The following BCAP31 variants were observed in gnomAD, a reference collection of about 807,000 sequenced individuals.
The protein encoded by BCAP31 is B-cell receptor-associated protein 31.
For synonymous variants in BCAP31, 75 were observed against 80.9 expected (o/e 0.93, Z 0.39); for missense variants, 124 against 193.0 (o/e 0.64, Z 2.12).
chrX:153,702,047 T>C lies in BCAP31; in HGVS notation c.662A>G (p.Lys221Arg). 2 of 1,211,944 alleles carry C rather than the reference T, an allele frequency of 1.7e-6. No individual in the cohort carries two copies. The highest frequency in any genetic ancestry group is 2.2e-6 in the Non-Finnish European group (2 of 895,362). Residue 221 changes from lysine to arginine, a missense_variant, in exon 7 of 8, where the codon AAG becomes AGG. Physicochemically the swap from Lys to Arg is conservative, Grantham distance 26. Transcript: ENST00000345046. ...CTCCTCCAGCAAGCGGTCGTACTCC[T>C]TGGTGAGGCCCTCAGACTGCTTCCG... ...AMRKQSEGLT[K>R]EYDRLLEEHA...
rs782040836 is a variant in BCAP31, at chrX:153,700,912, T to A, written c.*25A>T. ...AGGCACGTGCCAGGTGGAAGCCAGC[T>A]GCAGGCAGGGGAGGAAGGAGGCCCT... On this transcript the variant is annotated 3_prime_UTR_variant, in exon 8 of 8. Coordinates refer to ENST00000345046, the MANE Select transcript of BCAP31 (RefSeq NM_001256447.2). The A allele has an allele frequency of 2.8e-5, 33 of 1,198,093 alleles. No homozygotes were observed. The East Asian group carries it at 9.7e-4, about 35-fold the overall frequency.
chrX:153,718,271 T>C (rs2148382106), intron 3 of BCAP31, among the ~76,000 whole-genome samples: 1 of 94,046 alleles, frequency 1.1e-5, no homozygotes, highest in South Asian at 5.0e-4. Context: ...TGAGCCAAGA[T>C]GGCGCCACTG....
chrX:153,721,230 G>A, intron 2 of BCAP31: 1 of 284,486 alleles, frequency 3.5e-6, no homozygotes, highest in South Asian at 8.8e-5. Flanking sequence ...GAGGTCAGGA[G>A]TGCAAGACCA....
chrX:153,723,720 G>A, intron 1 of BCAP31: 2 of 1,125,681 alleles, frequency 1.8e-6, no homozygotes, highest in Non-Finnish European at 2.4e-6. Context: ...GCGCTCTGCG[G>A]GCCCAAATCC....
At chrX:153,710,936 C>T (rs1241855881) in intron 4 of BCAP31, among the ~76,000 whole-genome samples, 1 of 111,712 alleles carries the variant, frequency 9.0e-6, no homozygotes, top group Admixed American at 9.5e-5. Context: ...AGCACATTCC[C>T]TTTGCCCTGG....
chrX:153,701,871 G>C, intron 7 of BCAP31, 136 bp downstream of exon 7: 1 of 546,352 alleles, frequency 1.8e-6, no homozygotes, highest in South Asian at 3.2e-5. Flanking sequence ...CACTCAGTAG[G>C]GCAGAGGTGG....
At chrX:153,719,133 C>T in intron 3 of BCAP31, among the ~76,000 whole-genome samples, 1 of 111,747 alleles carries the variant, frequency 8.9e-6, no homozygotes, top group African/African-American at 3.3e-5. Context: ...TACTGGATTC[C>T]GCAAAGGATC....
chrX:153,703,141 TTCC>T, intron 5 of BCAP31, 83 bp from the exon 6 acceptor site: 2 of 1,140,718 alleles, frequency 1.8e-6, no homozygotes, highest in Non-Finnish European at 2.4e-6. Flanking sequence ...CGAGCTGCGG[TTCC>T]TCAAGCTGCC....
In BCAP31 at chrX:153,703,064, A is replaced by G; in HGVS notation, c.478-6T>C. On this transcript the variant is annotated splice_polypyrimidine_tract_variant and splice_region_variant and intron_variant, in intron 5 of 7. Transcript: ENST00000345046. ...CCTCCGTCAACAGCAGCTCCCTGGGAAAAGTGCCAAAGGCCAGGGTTACTC... is the reference window on the plus strand; with the variant it reads ...CCTCCGTCAACAGCAGCTCCCTGGGGAAAGTGCCAAAGGCCAGGGTTACTC... 1.7e-6 allele frequency: 2 copies of G among 1,208,690 alleles called. No homozygotes were observed. The highest frequency in any genetic ancestry group is 2.2e-6 in the Non-Finnish European group (2 of 895,123).
chrX:153,709,443 A>C (rs1557048757), intron 4 of BCAP31, among the ~76,000 whole-genome samples: 1 of 112,289 alleles, frequency 8.9e-6, no homozygotes, highest in East Asian at 2.8e-4. Context: ...ATTTAAGCTG[A>C]GTAAGGCAGA....
chrX:153,724,081 A>C, intron 1 of BCAP31: 1 of 314,374 alleles, frequency 3.2e-6, no homozygotes, highest in Non-Finnish European at 6.1e-6. Flanking sequence ...CCGGCCTGGC[A>C]CACCGTCCCG....
chrX:153,708,358 G>C (rs1252140944), intron 4 of BCAP31, among the ~76,000 whole-genome samples: 1 of 112,559 alleles, frequency 8.9e-6, no homozygotes, highest in Non-Finnish European at 1.9e-5. Context: ...AGGGGAAGAG[G>C]ACACGGGCTT....
chrX:153,715,404 A>G, intron 4 of BCAP31, 138 bp downstream of exon 4: 3 of 963,043 alleles, frequency 3.1e-6, no homozygotes, highest in Non-Finnish European at 4.3e-6. Context: ...TCCCTAACAC[A>G]GACAGGGCTT....
intron 3 of BCAP31, among the ~76,000 whole-genome samples, chrX:153,718,786 A>C (rs1339955888): frequency 1.8e-5 from 2 of 111,643 alleles, no homozygotes; most frequent in Non-Finnish European, 1.9e-5. Context: ...TGGGGGACTG[A>C]GCAATACTAA....
At chrX:153,711,013 C>T (rs782206631) in intron 4 of BCAP31, among the ~76,000 whole-genome samples, 1 of 111,874 alleles carries the variant, frequency 8.9e-6, no homozygotes, top group East Asian at 2.8e-4. Flanking sequence ...TGCTCATCTG[C>T]CAGGCCTCCC....
intron 6 of BCAP31, 66 bp from the exon 7 acceptor site, chrX:153,702,173 G>A (rs1401263716): frequency 1.6e-5 from 15 of 921,824 alleles, no homozygotes; most frequent in South Asian, 9.0e-5. Context: ...GAAAAAACCC[G>A]ACTGCTACAG....
chrX:153,710,612 C>T (rs1366471950), intron 4 of BCAP31, among the ~76,000 whole-genome samples: 1 of 111,826 alleles, frequency 8.9e-6, no homozygotes, highest in Non-Finnish European at 1.9e-5. Flanking sequence ...TGGGACTCTC[C>T]CACTGCTATC....
At chrX:153,713,413 G>C (rs782095857) in intron 4 of BCAP31, among the ~76,000 whole-genome samples, 9 of 112,126 alleles carry the variant, frequency 8.0e-5, no homozygotes, top group African/African-American at 1.9e-4. Flanking sequence ...TCTATAGAAG[G>C]CTGACAGAAC....
chrX:153,716,067 G>A (rs2091625345), intron 3 of BCAP31, among the ~76,000 whole-genome samples: 1 of 108,696 alleles, frequency 9.2e-6, no homozygotes, highest in African/African-American at 3.4e-5. Context: ...TCGGGAGGCT[G>A]AGGCAAAAGA....
Sources: gnomAD v4.1 joint callset for allele counts (sites outside exome capture counted in the v4.1 genomes callset) on GRCh38, gnomAD v4.1.1 for gene constraint, MANE v1.5 for transcripts, NCBI Gene and HGNC (gene_info 2026-07-23, HGNC 2026-07-21) for gene names.